GLRA3: variants seen among roughly 807,000 people sequenced by gnomAD.
GLRA3 encodes the protein glycine receptor subunit alpha-3.
GLRA3 carries 44 observed loss-of-function variants against 60.4 expected under a neutral mutation model. The ratio of observed to expected loss-of-function variants is 0.73; its 90% CI spans 0.57 to 0.94. The LOEUF is 0.94. Ranked by LOEUF, GLRA3 falls within the 40% of genes least tolerant of loss-of-function variation. The pLI is 0.00. For missense variants in GLRA3, 508 were observed against 564.6 expected, an observed-to-expected ratio of 0.90 and a Z score of 1.02; for synonymous variants, 223 against 192.9, an observed-to-expected ratio of 1.16 and a Z score of -1.29.
At chr4:174,723,865 C>T (rs911953969) in intron 4 of GLRA3, among the ~76,000 whole-genome samples, 11 of 151,862 alleles carry the variant, frequency 7.2e-5, no homozygotes, top group Admixed American at 3.3e-4. Flanking sequence ...ATAAGTGATA[C>T]ATAACTTGTT....
At chr4:174,788,202 A>G (rs1250350673) in intron 2 of GLRA3, among the ~76,000 whole-genome samples, 2 of 152,092 alleles carry the variant, frequency 1.3e-5, no homozygotes, top group Admixed American at 1.3e-4. Flanking sequence ...TGGATAAGTT[A>G]CATATCCTTA....
At chr4:174,766,814 C>A (rs916563921) in intron 3 of GLRA3, 149 bp downstream of exon 3, 1 of 506,614 alleles carries the variant, frequency 2.0e-6, no homozygotes, top group Non-Finnish European at 3.5e-6. Flanking sequence ...ATGTTATTAC[C>A]TGCAGGTGAC....
chr4:174,719,617 C>G (rs1327215072), intron 4 of GLRA3, among the ~76,000 whole-genome samples: 1 of 152,098 alleles, frequency 6.6e-6, no homozygotes, highest in African/African-American at 2.4e-5. Context: ...GTAAATCACT[C>G]TTAGGAGAGA....
chr4:174,692,316 G>T (rs558559706), intron 5 of GLRA3, among the ~76,000 whole-genome samples: 1 of 146,990 alleles, frequency 6.8e-6, no homozygotes, highest in Non-Finnish European at 1.5e-5. Flanking sequence ...GGAGGGAGGT[G>T]GGGGGGTCAG....
Position 174,767,012 on chromosome 4 carries a change from G to A in GLRA3, c.218C>T (p.Thr73Ile), listed in dbSNP as rs756689268. The A allele has an allele frequency of 6.3e-7, 1 of 1,599,240 alleles. No homozygotes were observed. The highest frequency in any genetic ancestry group is 2.2e-5 in the East Asian group (1 of 44,652). ...AAAGCTGTTGATGAATATGTTGCAT[G>A]TGACATTAACTGGAGGGCCTGAAAA... Reference protein sequence around the residue: ...PNFKGPPVNVTCNIFINSFGS... With the variant: ...PNFKGPPVNVICNIFINSFGS... Residue 73 changes from threonine (T) to isoleucine (I), a missense_variant, in exon 3 of 10, where the codon ACA (threonine) becomes ATA (isoleucine). Physicochemically the swap from Thr to Ile is moderately conservative, Grantham distance 89. Transcript: ENST00000274093.
At chr4:174,757,918 T>C (rs1013859089) in intron 3 of GLRA3, among the ~76,000 whole-genome samples, 1 of 152,150 alleles carries the variant, frequency 6.6e-6, no homozygotes, top group African/African-American at 2.4e-5. Context: ...GGTGGATCCC[T>C]CATGAATGGC....
chr4:174,681,939 G>A (rs1440282011), intron 6 of GLRA3, among the ~76,000 whole-genome samples: 1 of 152,136 alleles, frequency 6.6e-6, no homozygotes, highest in Non-Finnish European at 1.5e-5. Context: ...GTGACTTTTT[G>A]ATCCGATATT....
Position 174,725,753 on chromosome 4 carries a change from A to C in GLRA3, c.491+2722T>G, listed in dbSNP as rs1016872949. ...TGCCTCAGCCTCCCAAAGTGCTGAG[A>C]TTACAGGGTGTGAGCCACCACTCCT... On this transcript the variant is annotated intron_variant, in intron 4 of 9. Transcript: ENST00000274093. 2.6e-5 allele frequency among the ~76,000 whole-genome samples: 4 copies of C among 152,264 alleles called. No homozygotes were observed. In the East Asian group the frequency reaches 7.7e-4, roughly 29 times the overall value.
intron 3 of GLRA3, among the ~76,000 whole-genome samples, chr4:174,742,524 G>T (rs1172680767): frequency 2.0e-5 from 3 of 152,128 alleles, no homozygotes; most frequent in Non-Finnish European, 4.4e-5. Flanking sequence ...GGCTTTTACA[G>T]GGCAAGACAC....
chr4:174,782,783 G>A (rs908122271), intron 2 of GLRA3, among the ~76,000 whole-genome samples: 1 of 151,900 alleles, frequency 6.6e-6, no homozygotes, highest in Non-Finnish European at 1.5e-5. Context: ...ACCTCTTCAA[G>A]GAGAACTACA....
chr4:174,686,719 G>A (rs905040608), intron 5 of GLRA3, among the ~76,000 whole-genome samples: 2 of 151,998 alleles, frequency 1.3e-5, no homozygotes, highest in African/African-American at 4.8e-5. Flanking sequence ...ACAAGGCAGG[G>A]GCTTCATATA....
At chr4:174,806,553 T>A (rs1313003114) in intron 1 of GLRA3, among the ~76,000 whole-genome samples, 2 of 152,120 alleles carry the variant, frequency 1.3e-5, no homozygotes, top group Non-Finnish European at 2.9e-5. Context: ...ACTGAATATG[T>A]AAAGGCTTTA....
At chr4:174,699,657 A>G (rs1183374445) in intron 5 of GLRA3, among the ~76,000 whole-genome samples, 1 of 152,152 alleles carries the variant, frequency 6.6e-6, no homozygotes, top group East Asian at 1.9e-4. Flanking sequence ...GGATCACTTA[A>G]GAAGTATTTA....
At chr4:174,798,699 C>A (rs533407319) in intron 1 of GLRA3, among the ~76,000 whole-genome samples, 3 of 152,136 alleles carry the variant, frequency 2.0e-5, no homozygotes, top group African/African-American at 7.2e-5. Flanking sequence ...CCAAGGCGGG[C>A]GGATCACGAG....
chr4:174,704,616 A>C (rs1272280410), intron 5 of GLRA3, among the ~76,000 whole-genome samples: 2 of 144,108 alleles, frequency 1.4e-5, no homozygotes, highest in Non-Finnish European at 3.1e-5. Flanking sequence ...AAGAATTCAA[A>C]GCAGGGTCTC....
intron 7 of GLRA3, among the ~76,000 whole-genome samples, chr4:174,670,364 G>C (rs767840168): frequency 5.9e-5 from 9 of 152,108 alleles, no homozygotes; most frequent in Non-Finnish European, 1.3e-4. Flanking sequence ...GAATCATGGA[G>C]ACAGATAAAG....
At chr4:174,644,734 T>C (rs1561028992) in intron 9 of GLRA3, among the ~76,000 whole-genome samples, 1 of 152,182 alleles carries the variant, frequency 6.6e-6, no homozygotes, top group Non-Finnish European at 1.5e-5. Flanking sequence ...GTTTATTTCA[T>C]GTTAAGAACA....
intron 3 of GLRA3, among the ~76,000 whole-genome samples, chr4:174,729,436 T>C (rs1736468747): frequency 6.6e-6 from 1 of 152,212 alleles, no homozygotes; most frequent in Admixed American, 6.5e-5. Context: ...AAGCTGATTT[T>C]ATAATAATGA....
At chr4:174,759,036 T>C (rs888827259) in intron 3 of GLRA3, among the ~76,000 whole-genome samples, 5 of 152,146 alleles carry the variant, frequency 3.3e-5, no homozygotes, top group Admixed American at 6.5e-5. Context: ...TGATAAAGGA[T>C]ATTTATAGCA....
Sources: allele counts gnomAD v4.1 joint callset (sites outside exome capture counted in the v4.1 genomes callset), GRCh38; gene constraint gnomAD v4.1.1; transcripts MANE v1.5; gene names NCBI Gene and HGNC (gene_info 2026-07-23, HGNC 2026-07-21).